TMEM74: variants seen among roughly 807,000 people sequenced by gnomAD.
TMEM74 encodes transmembrane protein 74.
Under a neutral mutation model 18.1 loss-of-function variants are expected in TMEM74, and 13 were observed. The ratio of observed to expected loss-of-function variants is 0.72; its 90% CI spans 0.47 to 1.14. The LOEUF (loss-of-function observed/expected upper bound fraction) is 1.14, where lower values mean the gene tolerates loss of function less well. Ranked by LOEUF, TMEM74 falls within the 50% of genes most tolerant of loss-of-function variation. TMEM74 has a pLI of 0.00. For missense variants in TMEM74, 372 were observed against 375.9 expected (o/e 0.99, Z 0.09); for synonymous variants, 159 against 146.6 (o/e 1.08, Z -0.61).
At chr8:108,775,362 G>A (rs1354152661), downstream of TMEM74, among the ~76,000 whole-genome samples, 2 of 152,162 alleles carry the variant, frequency 1.3e-5, no homozygotes, top group African/African-American at 4.8e-5. Flanking sequence ...GGCTGTTCTA[G>A]CACATTTTCT....
At chr8:108,726,851 G>T (rs1451100747) in intron 1 of TMEM74, among the ~76,000 whole-genome samples, 5 of 151,738 alleles carry the variant, frequency 3.3e-5, no homozygotes. Flanking sequence ...AATGATAAAT[G>T]CCAAAAAAAC....
At chr8:108,683,303 T>TA (rs1286989952) in intron 1 of TMEM74, among the ~76,000 whole-genome samples, 2 of 151,508 alleles carry the variant, frequency 1.3e-5, no homozygotes, top group Non-Finnish European at 3.0e-5. Context: ...ATAATCCTGT[T>TA]AAAAAACAGA....
intron 1 of TMEM74, among the ~76,000 whole-genome samples, chr8:108,734,166 G>A (rs1813722070): frequency 6.6e-6 from 1 of 152,084 alleles, no homozygotes; most frequent in Admixed American, 6.6e-5. Context: ...AGATAAAAAG[G>A]CAGAGGAAAG....
chr8:108,705,804 T>A (rs1397945888), intron 1 of TMEM74, among the ~76,000 whole-genome samples: 1 of 152,142 alleles, frequency 6.6e-6, no homozygotes, highest in African/African-American at 2.4e-5. Context: ...TCAGTGAGAG[T>A]GTTGTATCAA....
At chr8:108,694,857 C>T (rs1813265040) in intron 1 of TMEM74, among the ~76,000 whole-genome samples, 1 of 152,162 alleles carries the variant, frequency 6.6e-6, no homozygotes, top group Non-Finnish European at 1.5e-5. Flanking sequence ...GGGAAGAGAA[C>T]ATAGTTGTGG....
chr8:108,644,494 GAC>G (rs1191646143), intron 2 of TMEM74, among the ~76,000 whole-genome samples: 2 of 152,088 alleles, frequency 1.3e-5, no homozygotes, highest in Non-Finnish European at 2.9e-5. Flanking sequence ...ACCAAAAATT[GAC>G]ACATGGGACC....
At chr8:108,660,081 T>C (rs1812885047) in intron 1 of TMEM74, among the ~76,000 whole-genome samples, 1 of 152,202 alleles carries the variant, frequency 6.6e-6, no homozygotes, top group African/African-American at 2.4e-5. Context: ...ATACTTGTCA[T>C]GCCAGTCTTT....
intron 2 of TMEM74, among the ~76,000 whole-genome samples, chr8:108,634,983 A>G (rs1197187765): frequency 6.6e-6 from 1 of 151,944 alleles, no homozygotes; most frequent in African/African-American, 2.4e-5. Flanking sequence ...GTCACGTAAC[A>G]TTGTAGCTGG....
intron 1 of TMEM74, among the ~76,000 whole-genome samples, chr8:108,697,617 ATGTTGTC>A (rs1813293320): frequency 6.6e-6 from 1 of 151,998 alleles, no homozygotes; most frequent in Non-Finnish European, 1.5e-5. Context: ...GAGTCTCATT[ATGTTGTC>A]CAGGCTGGTC....
intron 2 of TMEM74, among the ~76,000 whole-genome samples, chr8:108,644,492 T>G (rs189851922): frequency 5.3e-5 from 8 of 152,042 alleles, no homozygotes; most frequent in Admixed American, 1.3e-4. Context: ...AAACCAAAAA[T>G]TGACACATGG....
At chr8:108,653,851 A>T (rs1401455829) in intron 2 of TMEM74, among the ~76,000 whole-genome samples, 1 of 152,046 alleles carries the variant, frequency 6.6e-6, no homozygotes, top group Non-Finnish European at 1.5e-5. Flanking sequence ...TAGCTTTGGG[A>T]TAGGTGGGAA....
chr8:108,608,022 G>A (rs1199668185), intron 3 of TMEM74, among the ~76,000 whole-genome samples: 1 of 151,992 alleles, frequency 6.6e-6, no homozygotes, highest in Non-Finnish European at 1.5e-5. Context: ...AGAACTAAAC[G>A]GCCAGGCGCA....
At chr8:108,693,991 T>A (rs2130609610) in intron 1 of TMEM74, among the ~76,000 whole-genome samples, 1 of 152,362 alleles carries the variant, frequency 6.6e-6, no homozygotes, top group African/African-American at 2.4e-5. Flanking sequence ...AAACCAACAT[T>A]GTAACATCAT....
chr8:108,757,145 T>C (rs1230413321), intron 1 of TMEM74, among the ~76,000 whole-genome samples: 1 of 152,086 alleles, frequency 6.6e-6, no homozygotes, highest in African/African-American at 2.4e-5. Flanking sequence ...CAGTTCCTAA[T>C]TTGAGGTCTA....
chr8:108,670,550 G>A (rs912926367), intron 1 of TMEM74, among the ~76,000 whole-genome samples: 2 of 152,118 alleles, frequency 1.3e-5, no homozygotes, highest in African/African-American at 4.8e-5. Context: ...CAAATGAAGA[G>A]AGTAGTGATT....
chr8:108,757,750 C>T (rs910372587), intron 1 of TMEM74, among the ~76,000 whole-genome samples: 1 of 151,882 alleles, frequency 6.6e-6, no homozygotes, highest in African/African-American at 2.4e-5. Flanking sequence ...TGCTAAATTT[C>T]CCTATGACTT....
chr8:108,686,237 C>T (rs1471366687), intron 1 of TMEM74, among the ~76,000 whole-genome samples: 2 of 152,142 alleles, frequency 1.3e-5, no homozygotes, highest in Admixed American at 6.6e-5. Context: ...CTCGCTCTGT[C>T]GCCCAGGCTG....
intron 1 of TMEM74, among the ~76,000 whole-genome samples, chr8:108,747,749 G>A (rs1813864532): frequency 9.5e-6 from 1 of 104,738 alleles, no homozygotes; most frequent in Non-Finnish European, 1.8e-5. Context: ...AGTGTCTGTT[G>A]TTTCCCCCCT....
At chr8:108,745,032 G>T (rs1030074835) in intron 1 of TMEM74, among the ~76,000 whole-genome samples, 1 of 152,124 alleles carries the variant, frequency 6.6e-6, no homozygotes, top group Non-Finnish European at 1.5e-5. Flanking sequence ...GAGCAAAAGG[G>T]CCTAAACGTA....
Sources: allele counts gnomAD v4.1 joint callset (sites outside exome capture counted in the v4.1 genomes callset), GRCh38; gene constraint gnomAD v4.1.1; transcripts MANE v1.5; gene names NCBI Gene and HGNC (gene_info 2026-07-23, HGNC 2026-07-21).